ZAN: variants seen among roughly 807,000 people sequenced by gnomAD.
ZAN encodes the protein zonadhesin.
In ZAN, 260 loss-of-function variants were observed where a neutral mutation model predicts 286.2. That is an observed-to-expected ratio of 0.91 (90% CI 0.82 to 1.01). ZAN has a LOEUF of 1.01. ZAN is among the 50% of genes least tolerant of loss of function. The probability of loss-of-function intolerance (pLI) is 0.00; values close to 1 mark genes in which losing one functional copy is unlikely to be tolerated. For missense variants in ZAN, 3,410 were observed against 3,639.2 expected, an observed-to-expected ratio of 0.94 and a Z score of 1.62; for synonymous variants, 1,368 against 1,417.5, an observed-to-expected ratio of 0.97 and a Z score of 0.79.
intron 24 of ZAN, 92 bp from the exon 25 acceptor site, chr7:100,766,918 T>A (rs769406509): frequency 7.2e-5 from 113 of 1,565,812 alleles, no homozygotes; most frequent in Non-Finnish European, 9.4e-5. Flanking sequence ...GTGGGGACCA[T>A]GCCAATGTGG....
chr7:100,788,029 G>A lies in ZAN; in HGVS notation c.7120G>A (p.Glu2374Lys). ...TGAGGGGGTGGAGCCCCTCCTCGTG[G>A]AAGGACGCAACAAGATGGATCCGCC... is the stretch of plus-strand genomic sequence containing the variant. ...LPEGVEPLLVEGRNKMDPPRS... is the reference protein window; with the variant it reads ...LPEGVEPLLVKGRNKMDPPRS... Residue 2374 changes from glutamate (E) to lysine (K), a missense_variant, in exon 38 of 48, where the codon GAA (glutamate) becomes AAA (lysine). Coordinates refer to ENST00000613979, the MANE Select transcript of ZAN (RefSeq NM_003386.3). The A allele has an allele frequency of 6.4e-7, 1 of 1,569,538 alleles. No individual in the cohort carries two copies. Among genetic ancestry groups the A allele is most frequent in the Non-Finnish European group, 8.7e-7 (1 of 1,149,654 alleles).
intron 23 of ZAN, 129 bp from the exon 24 acceptor site, chr7:100,766,394 AAG>A: frequency 8.6e-7 from 1 of 1,160,162 alleles, no homozygotes; most frequent in Non-Finnish European, 1.2e-6. Flanking sequence ...GAGCTTCAGG[AAG>A]AGAGGATGTC....
chr7:100,779,793 CT>C, intron 35 of ZAN, 43 bp downstream of exon 35: 1 of 1,510,998 alleles, frequency 6.6e-7, no homozygotes. Flanking sequence ...CCCAAACCCC[CT>C]TTCCCTCTCT....
At position 100,767,125 on chromosome 7, in the gene ZAN, C is replaced by G; in HGVS notation, c.4728C>G (p.Ser1576=). The G allele has an allele frequency of 6.2e-7, 1 of 1,613,924 alleles. No homozygotes were observed. Among genetic ancestry groups the G allele is most frequent in the Non-Finnish European group, 8.5e-7 (1 of 1,179,882 alleles). ...YVLTRPCWSR[S]QDSYFVVSAT... is the part of the protein sequence containing the mutation. ...TGACCCGGCCTTGCTGGTCCAGGTC[C>G]CAAGACAGCTATTTTGTTGTGAGCG... Residue 1576 remains serine, a synonymous_variant, in exon 25 of 48, where the codon TCC becomes TCG. Coordinates refer to ENST00000613979, the MANE Select transcript of ZAN (RefSeq NM_003386.3).
chr7:100,752,217 C>A lies in ZAN; in HGVS notation c.2112C>A (p.Ile704=). The A allele has an allele frequency of 6.2e-7, 1 of 1,612,076 alleles. No homozygotes were observed. Among genetic ancestry groups the A allele is most frequent in the South Asian group, 1.1e-5 (1 of 90,964 alleles). Residue 704 remains isoleucine, a synonymous_variant, in exon 14 of 48, where the codon ATC becomes ATA. Transcript: ENST00000613979. ...CCACCATCTCCATGGAAGAGACTAT[C>A]ATCTCCACAGAAAAACCCACCATCT... is the stretch of plus-strand genomic sequence containing the variant. ...EKPTISMEET[I]ISTEKPTISP... is the part of the protein sequence containing the mutation.
At chr7:100,735,873 C>T (rs2115565781) in intron 3 of ZAN, 101 bp downstream of exon 3, 2 of 916,736 alleles carry the variant, frequency 2.2e-6, no homozygotes, top group Admixed American at 2.5e-5. Context: ...GGAGCAGCCA[C>T]CTCCAGTCCC....
chr7:100,770,824 T>A (rs1810322953), intron 28 of ZAN, among the ~76,000 whole-genome samples: 1 of 150,304 alleles, frequency 6.7e-6, no homozygotes, highest in Non-Finnish European at 1.5e-5. Context: ...CCAACTAATT[T>A]TTTTTTTCTC....
chr7:100,789,578 G>A (rs971018918), intron 39 of ZAN, among the ~76,000 whole-genome samples: 5 of 152,176 alleles, frequency 3.3e-5, no homozygotes, highest in African/African-American at 1.2e-4. Context: ...GGGAAGCTGA[G>A]GTGGGAGGAT....
chr7:100,758,458 G>A, intron 16 of ZAN, 73 bp from the exon 17 acceptor site: 2 of 1,557,174 alleles, frequency 1.3e-6, no homozygotes, highest in Non-Finnish European at 1.7e-6. Context: ...CGGGCAGCGG[G>A]TGGGCCAGCA....
intron 35 of ZAN, among the ~76,000 whole-genome samples, chr7:100,783,783 T>TATATATATATACACACACAC (rs377402352): frequency 4.9e-5 from 1 of 20,488 alleles, no homozygotes; most frequent in African/African-American, 1.4e-4. Context: ...TATATATATA[T>TATATATATATACACACACAC]ACACATATAT....
chr7:100,753,371 T>A, intron 14 of ZAN, 142 bp downstream of exon 14: 1 of 1,011,526 alleles, frequency 9.9e-7, no homozygotes, highest in Non-Finnish European at 1.4e-6. Flanking sequence ...GCTGAAGTAG[T>A]CCATGGCGAC....
intron 45 of ZAN, 22 bp from the exon 46 acceptor site, chr7:100,797,344 G>A: frequency 1.2e-6 from 2 of 1,612,246 alleles, no homozygotes; most frequent in Non-Finnish European, 1.7e-6. Flanking sequence ...TCGACCTAAT[G>A]TCTCTTCCCC....
At chr7:100,789,594 G>A (rs1019199301) in intron 39 of ZAN, among the ~76,000 whole-genome samples, 1 of 152,156 alleles carries the variant, frequency 6.6e-6, no homozygotes, top group African/African-American at 2.4e-5. Flanking sequence ...AGGATCGCTT[G>A]AGGTCAGAAG....
Position 100,762,265 on chromosome 7 carries a change from G to C in ZAN, c.3893G>C (p.Ser1298Thr). The change falls in exon 20 of 48, where the codon AGT becomes ACT. Residue 1298 changes from serine (S) to threonine (T), a missense_variant. Ser to Thr is a moderately conservative substitution (Grantham distance 58). This residue lies in a region of ZAN where 1,042 missense variants were observed against 1,058.0 expected (regional missense o/e 0.98). Coordinates refer to ENST00000613979, the MANE Select transcript of ZAN (RefSeq NM_003386.3). ...CGLCGNYDGN[S>T]DNDHLKLDGS... is the part of the protein sequence containing the mutation. The stretch of plus-strand genomic sequence containing the variant: ...TTGTGTGGGAACTATGACGGCAACA[G>C]TGACAATGACCACCTGAAGTTGGAC... 4 of 1,613,702 alleles carry C rather than the reference G, an allele frequency of 2.5e-6. No homozygotes were observed. Among genetic ancestry groups the C allele is most frequent in the Non-Finnish European group, 3.4e-6 (4 of 1,179,784 alleles).
chr7:100,782,681 T>TTG (rs869143804), intron 35 of ZAN, among the ~76,000 whole-genome samples: 1,822 of 100,090 alleles, frequency 0.018, 23 homozygotes, highest in Middle Eastern at 0.026. Context: ...TGGGTTTTTT[T>TTG]TGTGTGTGTG....
chr7:100,736,893 G>T lies in ZAN; in HGVS notation c.338G>T (p.Gly113Val). ...RLLSPDLWEQ[G>V]PLCVHFAHHM... ...CTCAGCCCCGACCTATGGGAGCAAG[G>T]CCCCCTCTGTGTGCACTTTGCCCAC... is the stretch of plus-strand genomic sequence containing the variant. The change falls in exon 5 of 48, where the codon GGC (glycine) becomes GTC (valine). Residue 113 changes from glycine to valine, a missense_variant. Physicochemically the swap from Gly to Val is moderately radical, Grantham distance 109. Transcript: ENST00000613979. 1 of 1,488,436 alleles carries T rather than the reference G, an allele frequency of 6.7e-7. No homozygotes were observed. The highest frequency in any genetic ancestry group is 1.7e-4 in the Middle Eastern group (1 of 5,910). 92.2% of individuals were successfully genotyped at this position (1,488,436 alleles called of 1,614,324 possible). A position where few individuals can be genotyped will look rare whatever the true frequency, so the allele number is the denominator to read the frequency against.
In ZAN at chr7:100,738,467, T is replaced by C. The variant is rs1172835552; in HGVS notation, c.620T>C (p.Met207Thr). 1 of 1,468,948 alleles carries C rather than the reference T, an allele frequency of 6.8e-7. No individual in the cohort carries two copies. The highest frequency in any genetic ancestry group is 9.3e-7 in the Non-Finnish European group (1 of 1,078,884). The allele number at this position is 1,468,948 out of a possible 1,614,324, so 91.0% of individuals were successfully genotyped here. The change falls in exon 7 of 48, where the codon ATG (methionine) becomes ACG (threonine). Residue 207 changes from methionine to threonine, a missense_variant. Met to Thr is a moderately conservative substitution (Grantham distance 81). Coordinates refer to ENST00000613979, the MANE Select transcript of ZAN (RefSeq NM_003386.3). Reference protein sequence around the residue: ...IRRGSCNRVCMMQTCSFDIPN... With the variant: ...IRRGSCNRVCTMQTCSFDIPN... ...CTTCTTTCTTTCCTCTCAGTCTGTA[T>C]GATGCAAACATGCAGCTTTGACATT...
intron 45 of ZAN, among the ~76,000 whole-genome samples, chr7:100,796,918 ACTTGAG>A (rs1280777002): frequency 3.9e-5 from 6 of 152,088 alleles, no homozygotes; most frequent in African/African-American, 1.4e-4. Flanking sequence ...CGGGAGGATC[ACTTGAG>A]CCAGGAGTTC....
intron 35 of ZAN, among the ~76,000 whole-genome samples, chr7:100,782,769 T>C (rs1160109811): frequency 6.6e-6 from 1 of 152,024 alleles, no homozygotes; most frequent in East Asian, 1.9e-4. Context: ...AACTTTGTTT[T>C]TGTTTTTCTC....
Sources: gnomAD v4.1 joint callset for allele counts (sites outside exome capture counted in the v4.1 genomes callset) on GRCh38, gnomAD v4.1.1 for gene constraint, gnomAD v4.1.1 regional missense constraint, MANE v1.5 for transcripts, NCBI Gene and HGNC (gene_info 2026-07-23, HGNC 2026-07-21) for gene names.